RNLS: variants seen among roughly 807,000 people sequenced by gnomAD.
RNLS encodes renalase.
In RNLS, 39 loss-of-function variants were observed where a neutral mutation model predicts 39.8. That is an observed-to-expected ratio of 0.98 (90% confidence interval 0.76 to 1.28). The LOEUF is 1.28. RNLS is among the 50% of genes most tolerant of loss of function. The pLI is 0.00. For synonymous variants in RNLS, 147 were observed against 150.7 expected (o/e 0.98, Z 0.18); for missense variants, 410 against 413.3 (o/e 0.99, Z 0.07).
Position 88,285,279 on chromosome 10 carries a change from A to T in RNLS, c.*75T>A. The T allele has an allele frequency of 1.4e-6, 2 of 1,430,950 alleles. No individual in the cohort carries two copies. Among genetic ancestry groups the T allele is most frequent in the Non-Finnish European group, 1.8e-6 (2 of 1,084,146 alleles). 88.6% of individuals were successfully genotyped at this position (1,430,950 alleles called of 1,614,324 possible). A position where few individuals can be genotyped will look rare whatever the true frequency, so the allele number is the denominator to read the frequency against. ...CCAGTAATTTTTCTTAGCAAAATAG[A>T]AAACAAAATAATCAATAACAGAAAA... On this transcript the variant is annotated 3_prime_UTR_variant, in exon 7 of 7. Transcript: ENST00000331772.
At chr10:88,505,226 T>C (rs551591635) in intron 4 of RNLS, among the ~76,000 whole-genome samples, 3 of 150,806 alleles carry the variant, frequency 2.0e-5, no homozygotes, top group African/African-American at 7.3e-5. Context: ...TGCTTAACAA[T>C]AGCTATGGCA....
At chr10:88,419,835 T>C (rs1854283818) in intron 4 of RNLS, among the ~76,000 whole-genome samples, 1 of 151,134 alleles carries the variant, frequency 6.6e-6, no homozygotes, top group South Asian at 2.1e-4. Flanking sequence ...TGAAACCCTG[T>C]CTCTACTAAA....
chr10:88,175,858 T>C, the RNLS span, among the ~76,000 whole-genome samples: 1 of 152,230 alleles, frequency 6.6e-6, no homozygotes, highest in Non-Finnish European at 1.5e-5. Flanking sequence ...CCTGCTATTG[T>C]ATTGGAGTCT....
At chr10:88,555,588 G>A (rs879447321) in intron 4 of RNLS, among the ~76,000 whole-genome samples, 2 of 152,064 alleles carry the variant, frequency 1.3e-5, no homozygotes, top group Non-Finnish European at 2.9e-5. Context: ...AGCAGCTGCT[G>A]GTGCCATGCT....
At chr10:88,503,215 T>C (rs181382802) in intron 4 of RNLS, among the ~76,000 whole-genome samples, 1 of 152,184 alleles carries the variant, frequency 6.6e-6, no homozygotes, top group East Asian at 1.9e-4. Flanking sequence ...ACCCTGTATC[T>C]ACTAAAAATA....
At chr10:88,378,770 TTTCC>T (rs1851226327) in intron 4 of RNLS, among the ~76,000 whole-genome samples, 1 of 152,216 alleles carries the variant, frequency 6.6e-6, no homozygotes, top group South Asian at 2.1e-4. Context: ...AAATGGACTG[TTTCC>T]TTCATCTTTG....
chr10:88,348,364 G>A (rs760938535), intron 5 of RNLS, among the ~76,000 whole-genome samples: 9 of 152,258 alleles, frequency 5.9e-5, no homozygotes, highest in Middle Eastern at 3.4e-3. Flanking sequence ...CTGGCTCTTA[G>A]ATTCTGAACC....
At chr10:88,436,169 T>C (rs1473852742) in intron 4 of RNLS, among the ~76,000 whole-genome samples, 1 of 152,070 alleles carries the variant, frequency 6.6e-6, no homozygotes, top group Admixed American at 6.5e-5. Flanking sequence ...TGCCTTATAT[T>C]CAGAGAGGGT....
chr10:88,218,795 G>A, the RNLS span, among the ~76,000 whole-genome samples: 2 of 152,128 alleles, frequency 1.3e-5, no homozygotes, highest in African/African-American at 4.8e-5. Flanking sequence ...CTTCCTCTTT[G>A]TTTCCAAGAG....
intron 4 of RNLS, among the ~76,000 whole-genome samples, chr10:88,459,059 T>C (rs1003336874): frequency 6.6e-6 from 1 of 151,690 alleles, no homozygotes; most frequent in Non-Finnish European, 1.5e-5. Context: ...TACTGTTCAA[T>C]AACAGAAACA....
chr10:88,394,636 C>T (rs1268672043), intron 4 of RNLS, among the ~76,000 whole-genome samples: 3 of 151,896 alleles, frequency 2.0e-5, no homozygotes, highest in Non-Finnish European at 2.9e-5. Flanking sequence ...GTCAGTGTGG[C>T]GATTCCTCAG....
At chr10:88,514,503 C>T (rs1040647518) in intron 4 of RNLS, among the ~76,000 whole-genome samples, 4 of 152,040 alleles carry the variant, frequency 2.6e-5, no homozygotes, top group African/African-American at 7.2e-5. Context: ...TGCTGTACAG[C>T]CAATCTCTAG....
At chr10:88,346,590 T>A (rs894236059) in intron 5 of RNLS, among the ~76,000 whole-genome samples, 3 of 152,198 alleles carry the variant, frequency 2.0e-5, no homozygotes, top group African/African-American at 7.2e-5. Flanking sequence ...ATTTGCTGAC[T>A]AGCCATTACT....
At chr10:88,332,519 A>T (rs1413552132) in intron 5 of RNLS, among the ~76,000 whole-genome samples, 1 of 152,250 alleles carries the variant, frequency 6.6e-6, no homozygotes, top group Non-Finnish European at 1.5e-5. Context: ...TTGTTTACAT[A>T]TCTAGTTAAA....
At chr10:88,308,914 C>G (rs1409237938) in intron 6 of RNLS, among the ~76,000 whole-genome samples, 1 of 152,144 alleles carries the variant, frequency 6.6e-6, no homozygotes, top group Non-Finnish European at 1.5e-5. Context: ...TGTGATACAT[C>G]TACACCATGG....
At chr10:88,502,844 G>A (rs2765444) in intron 4 of RNLS, among the ~76,000 whole-genome samples, 72,062 of 151,958 alleles carry the variant, frequency 0.47, 17,650 homozygotes, top group East Asian at 0.57. Flanking sequence ...GATCAAAAGC[G>A]CATATTCTCT....
At chr10:88,267,206 T>G in the RNLS span, among the ~76,000 whole-genome samples, 2 of 152,170 alleles carry the variant, frequency 1.3e-5, no homozygotes, top group African/African-American at 4.8e-5. Flanking sequence ...TCTCCCAGGG[T>G]GAAGACTCTA....
At chr10:88,266,226 A>G in the RNLS span, among the ~76,000 whole-genome samples, 1 of 152,178 alleles carries the variant, frequency 6.6e-6, no homozygotes, top group Non-Finnish European at 1.5e-5. Context: ...TCTAATAACA[A>G]TGATTCACTT....
chr10:88,249,181 G>A, the RNLS span, among the ~76,000 whole-genome samples: 1 of 152,144 alleles, frequency 6.6e-6, no homozygotes, highest in African/African-American at 2.4e-5. Flanking sequence ...TCCTTGGATG[G>A]TATCTTAAGC....
Sources: gnomAD v4.1 joint callset for allele counts (sites outside exome capture counted in the v4.1 genomes callset) on GRCh38, gnomAD v4.1.1 for gene constraint, MANE v1.5 for transcripts, NCBI Gene and HGNC (gene_info 2026-07-23, HGNC 2026-07-21) for gene names.